Variants in CHAMP1 observed in about 807,000 individuals in gnomAD.
CHAMP1 encodes chromosome alignment-maintaining phosphoprotein 1.
CHAMP1 carries 4 observed loss-of-function variants against 54.5 expected under a neutral mutation model. The observed-to-expected ratio is 0.07, with a 90% CI of 0.04 to 0.17. The LOEUF is 0.17. Among genes scored for constraint, CHAMP1 ranks in the 10% least tolerant of loss-of-function variants. CHAMP1 has a pLI of 1.00. For synonymous variants in CHAMP1, 368 were observed against 342.2 expected (o/e 1.08, Z -0.83); for missense variants, 994 against 968.6 (o/e 1.03, Z -0.35).
intron 2 of CHAMP1, chr13:114,323,512 A>G (rs782600313): frequency 2.6e-5 from 6 of 232,062 alleles, no homozygotes; most frequent in Non-Finnish European, 4.1e-5. Context: ...GGACCAGAGA[A>G]AGTCAGGTAA....
At chr13:114,318,296 T>C (rs191198445) in intron 1 of CHAMP1, among the ~76,000 whole-genome samples, 3 of 151,758 alleles carry the variant, frequency 2.0e-5, no homozygotes, top group Admixed American at 2.0e-4. Flanking sequence ...ATCCTTCTAG[T>C]CCTATGCTGA....
rs573331797 is a variant in CHAMP1, at chr13:114,317,955, A to G, written c.-178-3155A>G. Among the ~76,000 whole-genome samples, 3 of 152,350 alleles carry G rather than the reference A, an allele frequency of 2.0e-5. No individual in the cohort carries two copies. The South Asian group carries it at 6.2e-4, about 32-fold the overall frequency. The stretch of plus-strand genomic sequence containing the variant: ...CAAAAAGAAATTTTTGTTAATCTGG[A>G]CAATTCTGAGTTAATTTTTAGTTAG... On this transcript the variant is annotated intron_variant, in intron 1 of 2. Coordinates refer to ENST00000361283, the MANE Select transcript of CHAMP1 (RefSeq NM_032436.4).
rs1555379793 is a variant in CHAMP1, at chr13:114,325,389, A to G, written c.1547A>G (p.Lys516Arg). The G allele has an allele frequency of 6.2e-6, 10 of 1,614,068 alleles. No homozygotes were observed. The highest frequency in any genetic ancestry group is 8.5e-6 in the Non-Finnish European group (10 of 1,180,026). The change falls in exon 3 of 3, where the codon AAG becomes AGG. Residue 516 changes from lysine to arginine, a missense_variant. By Grantham distance (26) the Lys-to-Arg change is conservative (BLOSUM62 2). Around this residue, in one of 3 missense-constraint regions of CHAMP1, gnomAD observed 851 missense variants for 701.3 expected, o/e 1.21. Transcript: ENST00000361283. ...ESPKAASDIWKPVLSIDTEPR... is the reference protein window; with the variant it reads ...ESPKAASDIWRPVLSIDTEPR... ...CCCAAAGCAGCCTCAGATATCTGGA[A>G]GCCTGTTCTCTCTATCGATACTGAG...
In CHAMP1 at chr13:114,323,864, C is replaced by T. The variant is rs371511810; in HGVS notation, c.22C>T (p.Arg8Cys). The T allele has an allele frequency of 6.9e-6, 11 of 1,605,252 alleles. No homozygotes were observed. Among genetic ancestry groups the T allele is most frequent in the Middle Eastern group, 1.7e-4 (1 of 6,042 alleles). MEAFQEL[R>C]KPSARLECDH... ...AAGAATGGAAGCATTCCAGGAACTT[C>T]GTAAACCATCAGCACGTTTGGAGTG... is the stretch of plus-strand genomic sequence containing the variant. Residue 8 changes from arginine to cysteine, a missense_variant, in exon 3 of 3, where the codon CGT becomes TGT. This residue lies in a region of CHAMP1 where 84 missense variants were observed against 120.7 expected (regional missense o/e 0.70). Transcript: ENST00000361283.
chr13:114,316,319 A>T (rs2087099043), intron 1 of CHAMP1, among the ~76,000 whole-genome samples: 1 of 151,016 alleles, frequency 6.6e-6, no homozygotes, highest in Non-Finnish European at 1.5e-5. Flanking sequence ...GCCTGCCACC[A>T]CACCCGGCTA....
In CHAMP1 at chr13:114,324,329, G is replaced by T. The variant is rs1555379426; in HGVS notation, c.487G>T (p.Val163Phe). 10 of 1,614,048 alleles carry T rather than the reference G, an allele frequency of 6.2e-6. No individual in the cohort carries two copies. The highest frequency in any genetic ancestry group is 1.1e-5 in the South Asian group (1 of 91,080). The change falls in exon 3 of 3, where the codon GTT becomes TTT. Residue 163 changes from valine to phenylalanine, a missense_variant. Val to Phe is a conservative substitution (Grantham distance 50). Coordinates refer to ENST00000361283, the MANE Select transcript of CHAMP1 (RefSeq NM_032436.4). ...GGAGCCTCAGAAACCTGGCTCTGTT[G>T]TTTCTCCTGAGCTACAGACACCTCT... ...PLEPQKPGSV[V>F]SPELQTPLPS...
At chr13:114,320,362 A>G (rs897619822) in intron 1 of CHAMP1, among the ~76,000 whole-genome samples, 2 of 152,160 alleles carry the variant, frequency 1.3e-5, no homozygotes, top group Non-Finnish European at 2.9e-5. Flanking sequence ...TGCTCCTCCC[A>G]GAGTCCTTTC....
intron 2 of CHAMP1, chr13:114,323,481 T>C (rs1050779082): frequency 1.7e-4 from 32 of 187,820 alleles, no homozygotes; most frequent in African/African-American, 7.0e-4. Flanking sequence ...CAGGCTCACA[T>C]CACTGATAGT....
intron 2 of CHAMP1, 26 bp downstream of exon 2, chr13:114,321,258 TAGG>T (rs1378730646): frequency 2.0e-5 from 3 of 151,592 alleles, no homozygotes; most frequent in Non-Finnish European, 4.4e-5. Flanking sequence ...AAAGCATGCT[TAGG>T]AGAATATTTT....
Position 114,325,886 on chromosome 13 carries a change from G to A in CHAMP1, c.2044G>A (p.Val682Met). Reference protein sequence around the residue: ...DMTSPEQSRNVLQFTEEKEAF... With the variant: ...DMTSPEQSRNMLQFTEEKEAF... ...GACTAGTCCAGAGCAGTCTAGAAATGTGCTACAGTTTACTGAAGAAAAAGA... is the reference window on the plus strand; with the variant it reads ...GACTAGTCCAGAGCAGTCTAGAAATATGCTACAGTTTACTGAAGAAAAAGA... The change falls in exon 3 of 3, where the codon GTG becomes ATG. Residue 682 changes from valine (V) to methionine (M), a missense_variant. Physicochemically the swap from Val to Met is conservative, Grantham distance 21 (BLOSUM62 1). This residue lies in a region of CHAMP1 where 851 missense variants were observed against 701.3 expected (regional missense o/e 1.21). Coordinates refer to ENST00000361283, the MANE Select transcript of CHAMP1 (RefSeq NM_032436.4). The A allele has an allele frequency of 6.2e-7, 1 of 1,614,032 alleles. No homozygotes were observed.
rs1203518669 is a variant in CHAMP1 at position 114,324,550 on chromosome 13, A to G, written c.708A>G (p.Thr236=). The change falls in exon 3 of 3, where the codon ACA becomes ACG. Residue 236 remains threonine (T), a synonymous_variant. Coordinates refer to ENST00000361283, the MANE Select transcript of CHAMP1 (RefSeq NM_032436.4). ...AGAAGCAGTCTCATTTCCCGGAAAC[A>G]TTGGGGCCACCTTCAGCCTCATCTC... The part of the protein sequence containing the change: ...KPQKQSHFPE[T]LGPPSASSPE... 2.5e-6 allele frequency: 4 copies of G among 1,613,950 alleles called. No individual in the cohort carries two copies. Among genetic ancestry groups the G allele is most frequent in the Non-Finnish European group, 3.4e-6 (4 of 1,180,036 alleles).
At chr13:114,320,782 C>A (rs1182535736) in intron 1 of CHAMP1, among the ~76,000 whole-genome samples, 3 of 152,032 alleles carry the variant, frequency 2.0e-5, no homozygotes, top group Non-Finnish European at 4.4e-5. Flanking sequence ...CGGTGAAACC[C>A]CGTCTCTACT....
chr13:114,325,544 C>G lies in CHAMP1; in HGVS notation c.1702C>G (p.Leu568Val), dbSNP rs3764522. 2.0e-3 allele frequency: 3,209 copies of G among 1,614,170 alleles called. 53 individuals carry two copies. Among genetic ancestry groups the G allele is most frequent in the East Asian group, 6.6e-3 (296 of 44,886 alleles). Residue 568 changes from leucine to valine, a missense_variant, in exon 3 of 3, where the codon CTA becomes GTA. Coordinates refer to ENST00000361283, the MANE Select transcript of CHAMP1 (RefSeq NM_032436.4). ...ALFPELPKSA[L>V]FSESQKAVEL... is the part of the protein sequence containing the mutation. ...TTTCCCTGAACTCCCCAAATCTGCT[C>G]TATTCTCAGAATCACAGAAGGCTGT...
At position 114,326,355 on chromosome 13, in the gene CHAMP1, G is replaced by A; in HGVS notation, c.*74G>A. 1 of 1,470,142 alleles carries A rather than the reference G, an allele frequency of 6.8e-7. No homozygotes were observed. The highest frequency in any genetic ancestry group is 9.1e-7 in the Non-Finnish European group (1 of 1,102,916). 91.1% of individuals were successfully genotyped at this position (1,470,142 alleles called of 1,614,324 possible). ...CTTTGTAAGTATAGCTTATCAGATA[G>A]CATAGTTGGATCAGTAGATGACATG... On this transcript the variant is annotated 3_prime_UTR_variant, in exon 3 of 3. Transcript: ENST00000361283.
chr13:114,320,952 T>TC (rs753791583), intron 1 of CHAMP1, among the ~76,000 whole-genome samples, 158 bp from the exon 2 acceptor site: 5 of 142,790 alleles, frequency 3.5e-5, no homozygotes, highest in Non-Finnish European at 5.9e-5. Flanking sequence ...CAAGACTCTG[T>TC]CTCAAAAAAA....
rs1555379640 is a variant in CHAMP1, at chr13:114,324,891, C to T, written c.1049C>T (p.Pro350Leu). Residue 350 changes from proline to leucine, a missense_variant, in exon 3 of 3, where the codon CCA becomes CTA. Around this residue, in one of 3 missense-constraint regions of CHAMP1, gnomAD observed 851 missense variants for 701.3 expected, o/e 1.21. Coordinates refer to ENST00000361283, the MANE Select transcript of CHAMP1 (RefSeq NM_032436.4). ...TCTGTGTCTCCTGGACCTTGGAAAC[C>T]AATTCCTTCTGTATCTCCTGGACCT... ...APSVSPGPWK[P>L]IPSVSPGPWK... The T allele has an allele frequency of 6.2e-7, 1 of 1,614,046 alleles. No homozygotes were observed. Among genetic ancestry groups the T allele is most frequent in the Non-Finnish European group, 8.5e-7 (1 of 1,180,022 alleles).
chr13:114,323,908 A>G lies in CHAMP1; in HGVS notation c.66A>G (p.Arg22=). The change falls in exon 3 of 3, where the codon AGA becomes AGG. Residue 22 remains arginine (R), a synonymous_variant. Transcript: ENST00000361283. Reference sequence around the variant, plus strand: ...TGGAGTGTGACCATTGCAGTTTCAGAGGCACAGACTATGAAAATGTACAAA... The same window carrying G: ...TGGAGTGTGACCATTGCAGTTTCAGGGGCACAGACTATGAAAATGTACAAA... ...ARLECDHCSF[R]GTDYENVQIH... 1.9e-6 allele frequency: 3 copies of G among 1,614,024 alleles called. No homozygotes were observed. Among genetic ancestry groups the G allele is most frequent in the Non-Finnish European group, 2.5e-6 (3 of 1,179,896 alleles).
chr13:114,316,738 CA>C (rs1373499761), intron 1 of CHAMP1, among the ~76,000 whole-genome samples: 1 of 151,164 alleles, frequency 6.6e-6, no homozygotes, highest in East Asian at 1.9e-4. Context: ...TGCTTGGAAC[CA>C]GAAGTGCTTT....
rs138697692 is a variant in CHAMP1, at chr13:114,325,874, C to G, written c.2032C>G (p.Gln678Glu). 1 of 1,614,058 alleles carries G rather than the reference C, an allele frequency of 6.2e-7. No individual in the cohort carries two copies. The highest frequency in any genetic ancestry group is 1.3e-5 in the African/African-American group (1 of 75,018). The change falls in exon 3 of 3, where the codon CAG (glutamine) becomes GAG (glutamate). Residue 678 changes from glutamine (Q) to glutamate (E), a missense_variant. Transcript: ENST00000361283. The part of the protein sequence containing the change: ...ENKMDMTSPE[Q>E]SRNVLQFTEE... ...CAAAATGGACATGACTAGTCCAGAG[C>G]AGTCTAGAAATGTGCTACAGTTTAC...
Sources: gnomAD v4.1 joint callset for allele counts (sites outside exome capture counted in the v4.1 genomes callset) on GRCh38, gnomAD v4.1.1 for gene constraint, gnomAD v4.1.1 regional missense constraint, MANE v1.5 for transcripts, NCBI Gene and HGNC (gene_info 2026-07-23, HGNC 2026-07-21) for gene names.